ASCL5: variants seen among roughly 807,000 people sequenced by gnomAD.
The protein encoded by ASCL5 is achaete-scute homolog 5.
For missense variants in ASCL5, 262 were observed against 268.9 expected (o/e 0.97, Z 0.18); for synonymous variants, 124 against 131.5 (o/e 0.94, Z 0.39).
intron 1 of ASCL5, among the ~76,000 whole-genome samples, chr1:201,117,780 G>T (rs1278461513): frequency 2.0e-5 from 3 of 152,214 alleles, no homozygotes; most frequent in Admixed American, 2.0e-4. Flanking sequence ...TTCTCTTTAA[G>T]GTTGTGCATT....
chr1:201,117,394 C>T (rs1663369904), intron 1 of ASCL5, among the ~76,000 whole-genome samples: 2 of 151,962 alleles, frequency 1.3e-5, no homozygotes, highest in South Asian at 4.1e-4. Context: ...CAAGATCATG[C>T]CACTGCATTC....
chr1:201,114,935 C>A lies in ASCL5; in HGVS notation c.438G>T (p.Ser146=). 1 of 1,230,984 alleles carries A rather than the reference C, an allele frequency of 8.1e-7. No individual in the cohort carries two copies. The highest frequency in any genetic ancestry group is 1.0e-6 in the Non-Finnish European group (1 of 987,552). The allele number at this position is 1,230,984 out of a possible 1,614,324, so 76.3% of individuals were successfully genotyped here. A position where few individuals can be genotyped will look rare whatever the true frequency, so the allele number is the denominator to read the frequency against. The change falls in exon 2 of 2, where the codon TCG becomes TCT. Residue 146 remains serine (S), a synonymous_variant. Transcript: ENST00000449188. ...QELLSSAPDG[S]TPPASRGLPG... ...GGAGGCCGCGGGAAGCGGGGGGCGT[C>A]GAGCCGTCGGGGGCCGAGCTCAGCA...
At chr1:201,121,840 C>T (rs1042070705) in intron 1 of ASCL5, among the ~76,000 whole-genome samples, 1 of 150,364 alleles carries the variant, frequency 6.7e-6, no homozygotes, top group African/African-American at 2.5e-5. Flanking sequence ...AAAAAAAAAA[C>T]CCCAAAACAA....
chr1:201,124,512 T>C (rs1309933294), intron 1 of ASCL5, among the ~76,000 whole-genome samples: 2 of 152,182 alleles, frequency 1.3e-5, no homozygotes, highest in East Asian at 3.9e-4. Context: ...CTCCTTTCTC[T>C]ACAAAAAGGA....
chr1:201,122,070 A>G (rs1034454063), intron 1 of ASCL5, among the ~76,000 whole-genome samples: 7 of 152,186 alleles, frequency 4.6e-5, no homozygotes, highest in East Asian at 1.9e-4. Context: ...ATGAGCCCAC[A>G]TGGCACCTTG....
intron 1 of ASCL5, among the ~76,000 whole-genome samples, chr1:201,118,377 G>A (rs1663388823): frequency 6.6e-6 from 1 of 152,012 alleles, no homozygotes; most frequent in Non-Finnish European, 1.5e-5. Flanking sequence ...GCTACTCAGG[G>A]GGAGGCTGAG....
intron 1 of ASCL5, among the ~76,000 whole-genome samples, chr1:201,120,086 G>T (rs1663421208): frequency 6.6e-6 from 1 of 152,216 alleles, no homozygotes; most frequent in Admixed American, 6.5e-5. Flanking sequence ...TAGGCCTGCA[G>T]TCTACGCTCA....
At position 201,114,688 on chromosome 1, in the gene ASCL5, T is replaced by A; in HGVS notation, c.*64A>T. The A allele has an allele frequency of 2.5e-6, 3 of 1,221,120 alleles. No homozygotes were observed. Among genetic ancestry groups the A allele is most frequent in the Non-Finnish European group, 3.1e-6 (3 of 979,446 alleles). The allele number at this position is 1,221,120 out of a possible 1,614,324, so 75.6% of individuals were successfully genotyped here. ...CGCGGGTGACCCAACAGCCTCCCGC[T>A]GCTCCCGAAAGTGGGACGGGGCCGG... On this transcript the variant is annotated 3_prime_UTR_variant, in exon 2 of 2. Transcript: ENST00000449188.
chr1:201,123,787 C>A (rs1663527210), intron 1 of ASCL5, among the ~76,000 whole-genome samples: 1 of 152,184 alleles, frequency 6.6e-6, no homozygotes, highest in Non-Finnish European at 1.5e-5. Flanking sequence ...GGACTCTTGT[C>A]CCAAAGCCAC....
At chr1:201,126,375 T>C (rs1663581258) in intron 1 of ASCL5, among the ~76,000 whole-genome samples, 1 of 152,218 alleles carries the variant, frequency 6.6e-6, no homozygotes. Context: ...TGGCTGAGAT[T>C]ACAGGCATGA....
At position 201,115,426 on chromosome 1, in the gene ASCL5, T is replaced by TG; in HGVS notation, c.-55dup. On this transcript the variant is annotated 5_prime_UTR_variant, in exon 2 of 2. Transcript: ENST00000449188. ...AGGCCTCCACCGAATGGCCCCGGCTTGGGGTCTGCACCGTCTCCACCAGTG... is the reference window on the plus strand; with the variant it reads ...AGGCCTCCACCGAATGGCCCCGGCTTGGGGGTCTGCACCGTCTCCACCAGTG... 8.1e-7 allele frequency: 1 copy of TG among 1,228,718 alleles called. No individual in the cohort carries two copies. Among genetic ancestry groups the TG allele is most frequent in the South Asian group, 4.1e-5 (1 of 24,186 alleles). 76.1% of individuals were successfully genotyped at this position (1,228,718 alleles called of 1,614,324 possible).
chr1:201,116,778 C>T (rs949364771), intron 1 of ASCL5, among the ~76,000 whole-genome samples: 2 of 152,216 alleles, frequency 1.3e-5, no homozygotes. Flanking sequence ...GCACTCCCCC[C>T]TCTTGTGTGT....
Position 201,115,833 on chromosome 1 carries a change from G to A in ASCL5, c.-461C>T, listed in dbSNP as rs749918977. ...CGGGGTCCCCAAACTGATGGCTGCTGTTAGGAGTGCGCCAGCTCAGTGGAG... is the reference window on the plus strand; with the variant it reads ...CGGGGTCCCCAAACTGATGGCTGCTATTAGGAGTGCGCCAGCTCAGTGGAG... On this transcript the variant is annotated 5_prime_UTR_variant, in exon 2 of 2. Transcript: ENST00000449188. 6.5e-6 allele frequency: 1 copy of A among 152,926 alleles called. No individual in the cohort carries two copies. Among genetic ancestry groups the A allele is most frequent in the Admixed American group, 6.5e-5 (1 of 15,308 alleles). The allele number at this position is 152,926 out of a possible 1,614,324, so 9.5% of individuals were successfully genotyped here.
chr1:201,120,901 G>A (rs1368532286), intron 1 of ASCL5, among the ~76,000 whole-genome samples: 1 of 152,204 alleles, frequency 6.6e-6, no homozygotes, highest in Non-Finnish European at 1.5e-5. Flanking sequence ...CAGGGAGACT[G>A]CTTCCATAGC....
At chr1:201,119,917 T>C (rs979985935) in intron 1 of ASCL5, among the ~76,000 whole-genome samples, 2 of 152,144 alleles carry the variant, frequency 1.3e-5, no homozygotes. Context: ...GGTTCCTCTC[T>C]GGGACCAGAG....
intron 1 of ASCL5, among the ~76,000 whole-genome samples, chr1:201,125,506 T>C (rs1463884334): frequency 1.3e-5 from 2 of 152,146 alleles, no homozygotes; most frequent in African/African-American, 2.4e-5. Context: ...GTTTGGGTCT[T>C]TCTTTGTCCA....
chr1:201,123,233 C>G (rs1414414735), intron 1 of ASCL5, among the ~76,000 whole-genome samples: 4 of 152,176 alleles, frequency 2.6e-5, no homozygotes, highest in Non-Finnish European at 4.4e-5. Flanking sequence ...TAACTGAATT[C>G]AAATAATTCT....
At chr1:201,124,738 T>C (rs546304720) in intron 1 of ASCL5, among the ~76,000 whole-genome samples, 7 of 152,314 alleles carry the variant, frequency 4.6e-5, no homozygotes, top group African/African-American at 1.7e-4. Flanking sequence ...GAACCAACAT[T>C]GTTCAGCACT....
rs527612114 is a variant in ASCL5 at position 201,116,247 on chromosome 1, G to C, written c.-505-370C>G. Among the ~76,000 whole-genome samples the C allele has an allele frequency of 5.9e-5, 9 of 152,264 alleles. No individual in the cohort carries two copies. The South Asian group carries it at 1.9e-3, about 32-fold the overall frequency. On this transcript the variant is annotated intron_variant, in intron 1 of 1. Transcript: ENST00000449188. Reference sequence around the variant, plus strand: ...TTAAGTCTCATCACTGATCCCTTCCGGGGTCTTACATCTAGAAGCGGGTCT... The same window carrying C: ...TTAAGTCTCATCACTGATCCCTTCCCGGGTCTTACATCTAGAAGCGGGTCT...
Sources: gnomAD v4.1 joint callset for allele counts (sites outside exome capture counted in the v4.1 genomes callset) on GRCh38, gnomAD v4.1.1 for gene constraint, MANE v1.5 for transcripts, NCBI Gene and HGNC (gene_info 2026-07-23, HGNC 2026-07-21) for gene names.